The following LDLRAD3 variants were observed in gnomAD, a reference collection of about 807,000 sequenced individuals.
The protein encoded by LDLRAD3 is low density lipoprotein receptor class A domain containing 3, also known as low-density lipoprotein receptor class A domain-containing protein 3.
Under a neutral mutation model 29.4 loss-of-function variants are expected in LDLRAD3, and 20 were observed. The observed-to-expected ratio is 0.68, with a 90% CI of 0.48 to 0.99. The LOEUF is 0.99. LDLRAD3 is among the 50% of genes least tolerant of loss of function. The probability of loss-of-function intolerance (pLI) is 0.00; values close to 1 mark genes in which losing one functional copy is unlikely to be tolerated. For missense variants in LDLRAD3, 420 were observed against 454.3 expected, an observed-to-expected ratio of 0.92 and a Z score of 0.69; for synonymous variants, 157 against 192.7, an observed-to-expected ratio of 0.81 and a Z score of 1.53.
chr11:36,015,581 TG>T, intron 1 of LDLRAD3, among the ~76,000 whole-genome samples: 1 of 151,900 alleles, frequency 6.6e-6, no homozygotes, highest in Non-Finnish European at 1.5e-5. Flanking sequence ...TAAACACACC[TG>T]GGGAACCAGG....
At chr11:35,973,466 T>G (rs1168619812) in intron 1 of LDLRAD3, among the ~76,000 whole-genome samples, 1 of 152,112 alleles carries the variant, frequency 6.6e-6, no homozygotes, top group Admixed American at 6.6e-5. Flanking sequence ...TTGTTTGTTT[T>G]GTTTTTTTTG....
intron 4 of LDLRAD3, among the ~76,000 whole-genome samples, chr11:36,209,077 A>C (rs975900659): frequency 6.6e-5 from 10 of 152,250 alleles, no homozygotes; most frequent in Admixed American, 1.3e-4. Context: ...ACAATTGTGA[A>C]ACTACATCAG....
intron 1 of LDLRAD3, among the ~76,000 whole-genome samples, chr11:35,977,686 A>G (rs1395358042): frequency 6.6e-6 from 1 of 152,140 alleles, no homozygotes; most frequent in Admixed American, 6.5e-5. Flanking sequence ...GACAATAGAA[A>G]TTGATCACTC....
rs1851038171 is a variant in LDLRAD3 at position 35,944,951 on chromosome 11, T to A, written c.46+807T>A. Among the ~76,000 whole-genome samples, 1 of 152,206 alleles carries A rather than the reference T, an allele frequency of 6.6e-6. No individual in the cohort carries two copies. Among genetic ancestry groups the A allele is most frequent in the Non-Finnish European group, 1.5e-5 (1 of 68,028 alleles). On this transcript the variant is annotated intron_variant, in intron 1 of 5. Coordinates refer to ENST00000315571, the MANE Select transcript of LDLRAD3 (RefSeq NM_174902.4). This position sits in a 1 kb window ranked among gnomAD's most constrained non-coding sequence, Gnocchi z 4.9. ...AGACAGCGTGCTGTTCCCAGGAACT[T>A]TTCTGCTGATGTGGGCATGATCCGA...
intron 4 of LDLRAD3, among the ~76,000 whole-genome samples, chr11:36,192,494 G>A (rs1051774534): frequency 6.6e-6 from 1 of 152,206 alleles, no homozygotes; most frequent in Non-Finnish European, 1.5e-5. Flanking sequence ...CAAACTAGAG[G>A]AGAAGGCAGA....
At chr11:36,158,302 C>T (rs1854383593) in intron 4 of LDLRAD3, among the ~76,000 whole-genome samples, 1 of 152,130 alleles carries the variant, frequency 6.6e-6, no homozygotes, top group Non-Finnish European at 1.5e-5. Flanking sequence ...AGCCCCCTTG[C>T]TCTTCCTCAA....
At chr11:36,045,451 G>A (rs1852435576) in intron 2 of LDLRAD3, among the ~76,000 whole-genome samples, 1 of 152,216 alleles carries the variant, frequency 6.6e-6, no homozygotes, top group South Asian at 2.1e-4. Flanking sequence ...AAGGCAAGGT[G>A]TCGGCCCGGC....
At chr11:36,086,784 C>A (rs992188702) in intron 3 of LDLRAD3, among the ~76,000 whole-genome samples, 1 of 152,146 alleles carries the variant, frequency 6.6e-6, no homozygotes, top group African/African-American at 2.4e-5. Flanking sequence ...TCCAAATTAC[C>A]CTTCACAGCT....
intron 4 of LDLRAD3, among the ~76,000 whole-genome samples, chr11:36,161,075 G>A (rs1478217655): frequency 2.0e-5 from 3 of 152,148 alleles, no homozygotes; most frequent in South Asian, 2.1e-4. Context: ...GATTACAGGC[G>A]TGAGCCACCG....
At chr11:36,199,566 T>TACACACAC (rs57161243) in intron 4 of LDLRAD3, among the ~76,000 whole-genome samples, 22,778 of 149,930 alleles carry the variant, frequency 0.15, 1,892 homozygotes, top group African/African-American at 0.24. Context: ...GCTGTGGTTC[T>TACACACAC]ACACACACAC....
intron 3 of LDLRAD3, among the ~76,000 whole-genome samples, chr11:36,082,648 C>T (rs1371878251): frequency 6.6e-6 from 1 of 152,114 alleles, no homozygotes; most frequent in Admixed American, 6.5e-5. Context: ...TATAATATTC[C>T]CCTGGTATCA....
intron 4 of LDLRAD3, among the ~76,000 whole-genome samples, chr11:36,157,867 AGATG>A (rs1854377213): frequency 1.3e-5 from 2 of 152,166 alleles, no homozygotes; most frequent in African/African-American, 4.8e-5. Flanking sequence ...TGTCACGGGT[AGATG>A]CTTCCAGGTT....
intron 1 of LDLRAD3, among the ~76,000 whole-genome samples, chr11:36,031,902 G>A (rs1852240150): frequency 6.6e-6 from 1 of 152,204 alleles, no homozygotes; most frequent in African/African-American, 2.4e-5. Flanking sequence ...AGACTGGGTG[G>A]CTGAAATGAC....
chr11:36,153,983 A>G (rs901529403), intron 4 of LDLRAD3, among the ~76,000 whole-genome samples: 2 of 152,086 alleles, frequency 1.3e-5, no homozygotes, highest in Non-Finnish European at 2.9e-5. Context: ...TTGTGCCTTC[A>G]GTGGGGTGTG....
chr11:36,054,840 A>ATGGATGGATGGATGGATGG (rs1852585740), intron 2 of LDLRAD3, among the ~76,000 whole-genome samples: 4 of 133,706 alleles, frequency 3.0e-5, no homozygotes, highest in African/African-American at 8.7e-5. Context: ...TGGATGGATG[A>ATGGATGGATGGATGGATGG]ATGGATGGAT....
intron 3 of LDLRAD3, among the ~76,000 whole-genome samples, chr11:36,093,405 G>A (rs1324251606): frequency 6.6e-6 from 1 of 151,820 alleles, no homozygotes; most frequent in Non-Finnish European, 1.5e-5. Context: ...CTCTGGACTT[G>A]GGGTTGTTTA....
intron 4 of LDLRAD3, among the ~76,000 whole-genome samples, chr11:36,195,292 GAAGCATA>G (rs1352583882): frequency 3.5e-4 from 1 of 2,854 alleles, no homozygotes; most frequent in Non-Finnish European, 8.9e-4. Flanking sequence ...CATTTTTCTA[GAAGCATA>G]GAAGCATCGT....
chr11:35,986,696 C>A (rs1565143990), intron 1 of LDLRAD3, among the ~76,000 whole-genome samples: 2 of 152,192 alleles, frequency 1.3e-5, no homozygotes, highest in Non-Finnish European at 2.9e-5. Flanking sequence ...GTTGCCAGCT[C>A]CTCTGTTCAC....
At chr11:36,066,179 C>G (rs1393380160) in intron 2 of LDLRAD3, among the ~76,000 whole-genome samples, 1 of 141,954 alleles carries the variant, frequency 7.0e-6, no homozygotes, top group African/African-American at 2.6e-5. Context: ...TTTTTTCTTA[C>G]TTTTTTCTAC....
Sources: allele counts gnomAD v4.1 joint callset (sites outside exome capture counted in the v4.1 genomes callset), GRCh38; gene constraint gnomAD v4.1.1; non-coding constraint Gnocchi (gnomAD v3.1); transcripts MANE v1.5; gene names NCBI Gene and HGNC (gene_info 2026-07-23, HGNC 2026-07-21).